The following EXOC4 variants were observed in gnomAD, a reference collection of about 807,000 sequenced individuals.
EXOC4 encodes exocyst complex component 4.
In EXOC4, 71 loss-of-function variants were observed where a neutral mutation model predicts 107.2. The observed-to-expected ratio is 0.66, with a 90% confidence interval of 0.55 to 0.81. EXOC4 has a LOEUF of 0.81. Among genes scored for constraint, EXOC4 ranks in the 30% least tolerant of loss-of-function variants. The probability of loss-of-function intolerance (pLI) is 0.00; values close to 1 mark genes in which losing one functional copy is unlikely to be tolerated. For synonymous variants in EXOC4, 456 were observed against 441.2 expected (o/e 1.03, Z -0.42); for missense variants, 1,108 against 1,189.6 (o/e 0.93, Z 1.01).
chr7:133,905,951 G>A (rs1410130943), intron 12 of EXOC4, among the ~76,000 whole-genome samples: 3 of 152,138 alleles, frequency 2.0e-5, no homozygotes, highest in Non-Finnish European at 2.9e-5. Context: ...TGAACAGGAC[G>A]AGCAAGCAGT....
chr7:133,356,822 A>G (rs1463082159), intron 6 of EXOC4, among the ~76,000 whole-genome samples: 1 of 152,188 alleles, frequency 6.6e-6, no homozygotes, highest in African/African-American at 2.4e-5. Context: ...TCTACTAAAA[A>G]TACAGAAATT....
At chr7:133,813,735 A>C (rs923177309) in intron 10 of EXOC4, among the ~76,000 whole-genome samples, 1 of 152,172 alleles carries the variant, frequency 6.6e-6, no homozygotes, top group Non-Finnish European at 1.5e-5. Flanking sequence ...CACATTGATA[A>C]CATCAGTTAA....
At chr7:133,508,553 T>C (rs1799708899) in intron 9 of EXOC4, among the ~76,000 whole-genome samples, 1 of 152,184 alleles carries the variant, frequency 6.6e-6, no homozygotes, top group African/African-American at 2.4e-5. Flanking sequence ...TCAAACCTAA[T>C]AGAATTATGC....
chr7:133,558,621 AT>A (rs1041203162), intron 9 of EXOC4, among the ~76,000 whole-genome samples: 6 of 151,634 alleles, frequency 4.0e-5, no homozygotes, highest in East Asian at 1.9e-4. Flanking sequence ...ATGTCTTTTT[AT>A]TTTTTTTAAT....
the EXOC4 span, among the ~76,000 whole-genome samples, chr7:134,095,087 T>C: frequency 6.6e-6 from 1 of 152,124 alleles, no homozygotes; most frequent in Non-Finnish European, 1.5e-5. Context: ...CTGGAACTAA[T>C]ACATGACTTC....
chr7:133,984,100 A>T (rs1585300259), intron 14 of EXOC4, among the ~76,000 whole-genome samples: 1 of 152,334 alleles, frequency 6.6e-6, no homozygotes, highest in East Asian at 1.9e-4. Context: ...GCTGGTTTGC[A>T]CTGTATGCAG....
chr7:133,481,381 G>A (rs1256787825), intron 9 of EXOC4, among the ~76,000 whole-genome samples: 1 of 48,386 alleles, frequency 2.1e-5, no homozygotes, highest in Non-Finnish European at 3.8e-5. Flanking sequence ...GGATGGGAAC[G>A]AATACTTTTA....
At chr7:134,044,327 A>G (rs1795594050) in intron 17 of EXOC4, among the ~76,000 whole-genome samples, 1 of 152,220 alleles carries the variant, frequency 6.6e-6, no homozygotes, top group African/African-American at 2.4e-5. Flanking sequence ...TTTTGAAAGC[A>G]CTAGAAATTA....
At chr7:133,550,085 T>C (rs1800556273) in intron 9 of EXOC4, among the ~76,000 whole-genome samples, 1 of 152,200 alleles carries the variant, frequency 6.6e-6, no homozygotes, top group South Asian at 2.1e-4. Context: ...ATTGAAGCCA[T>C]GCTTTTTGTT....
the EXOC4 span, among the ~76,000 whole-genome samples, chr7:134,098,753 A>T: frequency 6.6e-6 from 1 of 152,204 alleles, no homozygotes; most frequent in Non-Finnish European, 1.5e-5. Flanking sequence ...TCACTGAAGT[A>T]TTTATGCTTC....
intron 5 of EXOC4, among the ~76,000 whole-genome samples, chr7:133,352,523 A>G (rs1353219765): frequency 2.0e-5 from 3 of 151,660 alleles, no homozygotes; most frequent in Non-Finnish European, 2.9e-5. Flanking sequence ...CTTTCAGCCT[A>G]TTTGTGCCTT....
At chr7:133,488,889 AATTAG>A (rs1441103379) in intron 9 of EXOC4, among the ~76,000 whole-genome samples, 9 of 150,568 alleles carry the variant, frequency 6.0e-5, no homozygotes, top group Non-Finnish European at 8.9e-5. Flanking sequence ...ATATATTAGA[AATTAG>A]ATTATATATA....
chr7:133,693,262 A>T (rs1311471167), intron 10 of EXOC4, among the ~76,000 whole-genome samples: 1 of 152,212 alleles, frequency 6.6e-6, no homozygotes, highest in Non-Finnish European at 1.5e-5. Flanking sequence ...CCAAGAGTCC[A>T]AAAGCTGAAG....
chr7:133,377,657 TA>T (rs1435505977), intron 7 of EXOC4, among the ~76,000 whole-genome samples: 1 of 152,006 alleles, frequency 6.6e-6, no homozygotes, highest in African/African-American at 2.4e-5. Context: ...TTGAGAAACA[TA>T]AACCCACAGA....
chr7:133,317,219 C>A, intron 4 of EXOC4, 65 bp from the exon 5 acceptor site: 1 of 1,073,378 alleles, frequency 9.3e-7, no homozygotes, highest in Non-Finnish European at 1.4e-6. Context: ...AAGGGTGGGG[C>A]TGTAGTGGGA....
intron 7 of EXOC4, among the ~76,000 whole-genome samples, chr7:133,468,057 G>A (rs1044489842): frequency 2.6e-5 from 4 of 152,038 alleles, no homozygotes; most frequent in African/African-American, 7.2e-5. Flanking sequence ...AATTTAAAAT[G>A]AATGAAAACA....
chr7:133,977,514 C>T (rs567369877), intron 14 of EXOC4, among the ~76,000 whole-genome samples: 6 of 152,146 alleles, frequency 3.9e-5, no homozygotes, highest in African/African-American at 9.7e-5. Context: ...CCTATAGGAA[C>T]GGTGCCATAA....
chr7:133,481,063 A>AT (rs1799144998), intron 9 of EXOC4: 2 of 151,478 alleles, frequency 1.3e-5, no homozygotes, highest in African/African-American at 4.8e-5. Context: ...AAAAGAAAAA[A>AT]AAAAAAACAA....
At chr7:133,776,811 GT>G (rs1562992677) in intron 10 of EXOC4, among the ~76,000 whole-genome samples, 1 of 152,014 alleles carries the variant, frequency 6.6e-6, no homozygotes, top group Non-Finnish European at 1.5e-5. Context: ...GATTCTCTGT[GT>G]TTCTTTATTG....
Sources: allele counts gnomAD v4.1 joint callset (sites outside exome capture counted in the v4.1 genomes callset), GRCh38; gene constraint gnomAD v4.1.1; transcripts MANE v1.5; gene names NCBI Gene and HGNC (gene_info 2026-07-23, HGNC 2026-07-21).